The following ATG2B variants were observed in gnomAD, a reference collection of about 807,000 sequenced individuals.
ATG2B encodes autophagy related 2B.
A neutral mutation model predicts 241.3 loss-of-function variants in ATG2B; 121 were observed. The ratio of observed to expected loss-of-function variants is 0.50; its 90% CI spans 0.43 to 0.58. The LOEUF (loss-of-function observed/expected upper bound fraction) is 0.58, where lower values mean the gene tolerates loss of function less well. Among genes scored for constraint, ATG2B ranks in the 20% least tolerant of loss-of-function variants. The pLI, the probability that ATG2B is intolerant of heterozygous loss-of-function variation, is 0.00. For missense variants in ATG2B, 2,306 were observed against 2,491.6 expected (o/e 0.93, Z 1.59); for synonymous variants, 858 against 876.6 (o/e 0.98, Z 0.37).
At chr14:96,332,799 G>T in intron 8 of ATG2B, 144 bp from the exon 9 acceptor site, 1 of 516,746 alleles carries the variant, frequency 1.9e-6, no homozygotes, top group Non-Finnish European at 3.0e-6. Flanking sequence ...ACTTACAGTG[G>T]TGTAATTTAT....
In ATG2B at chr14:96,284,414, A is replaced by G. The variant is rs1371876401; in HGVS notation, c.*1341T>C. ...CTGCTTAGAAAATTTAGAGAACGAA[A>G]TTGATTTAACTACATTTTCCAAGCC... is the stretch of plus-strand genomic sequence containing the variant. On this transcript the variant is annotated 3_prime_UTR_variant, in exon 42 of 42. Coordinates refer to ENST00000359933, the MANE Select transcript of ATG2B (RefSeq NM_018036.7). 1 of 152,242 alleles carries G rather than the reference A, an allele frequency of 6.6e-6. No individual in the cohort carries two copies. The highest frequency in any genetic ancestry group is 1.5e-5 in the Non-Finnish European group (1 of 68,044). 9.4% of individuals were successfully genotyped at this position (152,242 alleles called of 1,614,324 possible).
chr14:96,362,390 T>A (rs2139918043), intron 1 of ATG2B, among the ~76,000 whole-genome samples: 1 of 151,922 alleles, frequency 6.6e-6, no homozygotes, highest in East Asian at 1.9e-4. Context: ...CCAAAACAAA[T>A]AACTAGGGAT....
At chr14:96,331,310 CT>C (rs1887724507) in intron 11 of ATG2B, 65 bp downstream of exon 11, 33 of 1,463,288 alleles carry the variant, frequency 2.3e-5, no homozygotes, top group Non-Finnish European at 3.0e-5. Flanking sequence ...ACATGTGGTT[CT>C]TTTTCAAGGA....
In ATG2B at chr14:96,344,612, G is replaced by A. The variant is rs189312238; in HGVS notation, c.581+42C>T. The A allele has an allele frequency of 2.2e-3, 2,521 of 1,127,572 alleles. 7 individuals carry two copies. The highest frequency in any genetic ancestry group is 2.9e-3 in the Non-Finnish European group (2,259 of 774,078). The allele number at this position is 1,127,572 out of a possible 1,614,324, so 69.8% of individuals were successfully genotyped here. A position where few individuals can be genotyped will look rare whatever the true frequency, so the allele number is the denominator to read the frequency against. On this transcript the variant is annotated intron_variant, in intron 4 of 41. Transcript: ENST00000359933. ...ACCTCCCTGAAAATGTAATATCAGA[G>A]TTACAATAGGGTCATTTATTTTCAG...
Position 96,283,722 on chromosome 14 carries a change from T to C in ATG2B, c.*2033A>G, listed in dbSNP as rs1886262915. The C allele has an allele frequency of 6.6e-6, 1 of 152,214 alleles. No individual in the cohort carries two copies. The highest frequency in any genetic ancestry group is 1.5e-5 in the Non-Finnish European group (1 of 68,034). 9.4% of individuals were successfully genotyped at this position (152,214 alleles called of 1,614,324 possible). On this transcript the variant is annotated 3_prime_UTR_variant, in exon 42 of 42. Transcript: ENST00000359933. The stretch of plus-strand genomic sequence containing the variant: ...AAAAGCTTAAGGACATTTAATAATG[T>C]AGAAGTGTTCCGATATAGATAAACA...
rs1334682744 is a variant in ATG2B, at chr14:96,341,542, C to T, written c.904G>A (p.Glu302Lys). Residue 302 changes from glutamate to lysine, a missense_variant, in exon 6 of 42, where the codon GAA becomes AAA. Transcript: ENST00000359933. The part of the protein sequence containing the change: ...LELSLTLKQN[E>K]VLPGAKLDVD... ...CTGACCTTAGCTCCAGGAAGCACTT[C>T]ATTCTGTTTCAACGTGAGACTCAAC... 1 of 1,592,312 alleles carries T rather than the reference C, an allele frequency of 6.3e-7. No homozygotes were observed. The highest frequency in any genetic ancestry group is 1.3e-5 in the African/African-American group (1 of 74,360).
intron 41 of ATG2B, among the ~76,000 whole-genome samples, chr14:96,288,613 A>G (rs1182773040): frequency 6.6e-6 from 1 of 152,056 alleles, no homozygotes; most frequent in Non-Finnish European, 1.5e-5. Context: ...GCCGTTTGGG[A>G]CCACAGAGGC....
intron 6 of ATG2B, among the ~76,000 whole-genome samples, chr14:96,340,037 AAT>A (rs1359716271): frequency 2.1e-5 from 3 of 144,650 alleles, no homozygotes; most frequent in East Asian, 2.0e-4. Flanking sequence ...TCACATAGTG[AAT>A]ATATATGATA....
intron 34 of ATG2B, among the ~76,000 whole-genome samples, chr14:96,298,919 A>ATGTT (rs75493502): frequency 0.19 from 29,259 of 152,026 alleles, 3,048 homozygotes; most frequent in Middle Eastern, 0.23. Flanking sequence ...AGTGCAATCA[A>ATGTT]TGTTTTTAAA....
chr14:96,308,169 A>C (rs892362330), intron 29 of ATG2B, among the ~76,000 whole-genome samples: 1 of 138,608 alleles, frequency 7.2e-6, no homozygotes, highest in African/African-American at 2.7e-5. Context: ...CACATATATA[A>C]ATATATATAA....
intron 6 of ATG2B, among the ~76,000 whole-genome samples, chr14:96,339,706 C>A (rs1217585667): frequency 2.6e-5 from 4 of 151,772 alleles, no homozygotes; most frequent in Non-Finnish European, 5.9e-5. Flanking sequence ...ATATAATGGA[C>A]TGTAGGGACT....
Position 96,308,220 on chromosome 14 carries a change from AT to A in ATG2B, c.4303+1232del, listed in dbSNP as rs1375434013. Among the ~76,000 whole-genome samples, 25 of 53,282 alleles carry A rather than the reference AT, an allele frequency of 4.7e-4. 1 individual carries two copies. The highest frequency in any genetic ancestry group is 8.7e-4 in the Non-Finnish European group (22 of 25,358). 35.0% of individuals were successfully genotyped at this position (53,282 alleles called of 152,430 possible). A position where few individuals can be genotyped will look rare whatever the true frequency, so the allele number is the denominator to read the frequency against. On this transcript the variant is annotated intron_variant, in intron 29 of 41. Coordinates refer to ENST00000359933, the MANE Select transcript of ATG2B (RefSeq NM_018036.7). ...TATACATATATATATAAATACATAA[AT>A]ATATATATACATATATATATATATA...
chr14:96,302,177 G>A (rs1311841310), intron 33 of ATG2B, 69 bp from the exon 34 acceptor site: 136 of 844,502 alleles, frequency 1.6e-4, no homozygotes, highest in Admixed American at 4.8e-4. Context: ...TTAAAAATAA[G>A]AAAAAAAAAG....
At chr14:96,331,731 C>T (rs2139881181) in intron 10 of ATG2B, 94 bp from the exon 11 acceptor site, 1 of 993,552 alleles carries the variant, frequency 1.0e-6, no homozygotes, top group East Asian at 2.7e-5. Context: ...CTTTAAAAAA[C>T]AGATGATCAT....
At chr14:96,317,597 C>T in intron 19 of ATG2B, 101 bp downstream of exon 19, 3 of 1,060,202 alleles carry the variant, frequency 2.8e-6, no homozygotes, top group Non-Finnish European at 4.0e-6. Context: ...AATATAGTTA[C>T]AATGAAACAT....
chr14:96,360,933 C>CAAAAAAAAA (rs35630598), intron 1 of ATG2B, among the ~76,000 whole-genome samples: 3 of 73,700 alleles, frequency 4.1e-5, no homozygotes, highest in Non-Finnish European at 7.5e-5. Context: ...AATCCTCTAC[C>CAAAAAAAAA]AAAAAAAAAA....
chr14:96,287,780 G>A (rs780715928), intron 41 of ATG2B, among the ~76,000 whole-genome samples: 18 of 152,104 alleles, frequency 1.2e-4, no homozygotes, highest in Non-Finnish European at 2.6e-4. Flanking sequence ...CATGGTCTCT[G>A]TTATTTATTT....
chr14:96,291,912 T>A (rs868739588), intron 37 of ATG2B, 117 bp downstream of exon 37: 1 of 741,298 alleles, frequency 1.3e-6, no homozygotes. Context: ...TTTAAAAACC[T>A]TGCACTTCAT....
At chr14:96,341,192 A>G (rs1888025042) in intron 6 of ATG2B, among the ~76,000 whole-genome samples, 1 of 152,198 alleles carries the variant, frequency 6.6e-6, no homozygotes, top group Non-Finnish European at 1.5e-5. Context: ...AATTTTTTAA[A>G]TAAATTCCTA....
Sources: allele counts gnomAD v4.1 joint callset (sites outside exome capture counted in the v4.1 genomes callset), GRCh38; gene constraint gnomAD v4.1.1; transcripts MANE v1.5; gene names NCBI Gene and HGNC (gene_info 2026-07-23, HGNC 2026-07-21).